NRG1: variants seen among roughly 807,000 people sequenced by gnomAD.
NRG1 encodes the protein neuregulin 1.
Under a neutral mutation model 63.8 loss-of-function variants are expected in NRG1, and 18 were observed. The ratio of observed to expected loss-of-function variants is 0.28; its 90% CI spans 0.19 to 0.42. NRG1 has a LOEUF of 0.42. Ranked by LOEUF, NRG1 falls within the 10% of genes least tolerant of loss-of-function variation. The probability of loss-of-function intolerance (pLI) is 1.00; values close to 1 mark genes in which losing one functional copy is unlikely to be tolerated. For synonymous variants in NRG1, 302 were observed against 301.3 expected, an observed-to-expected ratio of 1.00 and a Z score of -0.02; for missense variants, 762 against 814.7, an observed-to-expected ratio of 0.94 and a Z score of 0.79.
intron 1 of NRG1, among the ~76,000 whole-genome samples, chr8:32,208,877 G>A (rs919966957): frequency 1.3e-5 from 2 of 152,100 alleles, no homozygotes; most frequent in Non-Finnish European, 2.9e-5. Context: ...CTATATGAAA[G>A]ACTGTTTTTG....
At chr8:32,745,273 A>C (rs1437097418) in intron 7 of NRG1, among the ~76,000 whole-genome samples, 1 of 152,192 alleles carries the variant, frequency 6.6e-6, no homozygotes, top group Non-Finnish European at 1.5e-5. Flanking sequence ...AGTCTGGAAA[A>C]CATAAATTTT....
At chr8:31,720,231 T>C (rs1405470572) in intron 1 of NRG1, among the ~76,000 whole-genome samples, 4 of 152,184 alleles carry the variant, frequency 2.6e-5, no homozygotes, top group Non-Finnish European at 5.9e-5. Flanking sequence ...TTTCTATTCC[T>C]GGTGATAGGT....
At chr8:31,914,792 C>T (rs558643106) in intron 1 of NRG1, among the ~76,000 whole-genome samples, 1 of 151,458 alleles carries the variant, frequency 6.6e-6, no homozygotes, top group African/African-American at 2.4e-5. Flanking sequence ...TAGTGAAGGA[C>T]CAGTGTCTCA....
chr8:32,751,283 C>T lies in NRG1; in HGVS notation c.692-3089C>T, dbSNP rs576951875. ...ACTCAGAAAGGTAAGGGCTCTGTTT[C>T]TTGGCCAGGCCAGATCAGACTGAAA... is the stretch of plus-strand genomic sequence containing the variant. On this transcript the variant is annotated intron_variant, in intron 7 of 11. Transcript: ENST00000356819. The T allele has an allele frequency of 3.3e-5, 5 of 152,328 alleles. No individual in the cohort carries two copies. In the East Asian group the frequency reaches 9.7e-4, roughly 29 times the overall value. 9.4% of individuals were successfully genotyped at this position (152,328 alleles called of 1,614,324 possible).
chr8:31,805,141 C>G (rs967639881), intron 1 of NRG1, among the ~76,000 whole-genome samples: 1 of 151,988 alleles, frequency 6.6e-6, no homozygotes, highest in Non-Finnish European at 1.5e-5. Context: ...AAACATTTAT[C>G]AATTATATTC....
intron 1 of NRG1, among the ~76,000 whole-genome samples, chr8:32,259,512 A>T (rs1260417750): frequency 6.6e-6 from 1 of 152,138 alleles, no homozygotes; most frequent in Admixed American, 6.5e-5. Flanking sequence ...CAGCCCCAGA[A>T]CCATGAGCCA....
chr8:32,672,251 G>T (rs996994203), intron 5 of NRG1, among the ~76,000 whole-genome samples: 3 of 152,004 alleles, frequency 2.0e-5, no homozygotes, highest in Admixed American at 2.0e-4. Context: ...TCACCATATT[G>T]GCCAGGCTGG....
At chr8:32,129,606 A>C (rs984064483) in intron 1 of NRG1, among the ~76,000 whole-genome samples, 1 of 151,972 alleles carries the variant, frequency 6.6e-6, no homozygotes, top group African/African-American at 2.4e-5. Flanking sequence ...ACTGGAGGTT[A>C]GGACTTTAAC....
At chr8:32,107,076 A>ACAT (rs1470144084) in intron 1 of NRG1, among the ~76,000 whole-genome samples, 1 of 152,090 alleles carries the variant, frequency 6.6e-6, no homozygotes, top group East Asian at 1.9e-4. Context: ...AACAACAACA[A>ACAT]CAACAACAAA....
chr8:32,381,163 C>T (rs946717657), intron 1 of NRG1, among the ~76,000 whole-genome samples: 2 of 152,190 alleles, frequency 1.3e-5, no homozygotes, highest in Admixed American at 6.5e-5. Context: ...TGGTCTCTTT[C>T]GATTTCTTAA....
At chr8:32,298,885 G>T (rs1460745913) in intron 1 of NRG1, among the ~76,000 whole-genome samples, 2 of 150,262 alleles carry the variant, frequency 1.3e-5, no homozygotes, top group African/African-American at 4.9e-5. Context: ...AAATTAGCTG[G>T]GGATGGTGGC....
At chr8:32,439,208 T>C (rs926306944) in intron 1 of NRG1, among the ~76,000 whole-genome samples, 4 of 152,208 alleles carry the variant, frequency 2.6e-5, no homozygotes, top group Non-Finnish European at 5.9e-5. Flanking sequence ...AAATTATAAA[T>C]TAGTTAACAG....
intron 1 of NRG1, among the ~76,000 whole-genome samples, chr8:32,381,534 G>T (rs1810349856): frequency 6.6e-6 from 1 of 152,144 alleles, no homozygotes; most frequent in Non-Finnish European, 1.5e-5. Flanking sequence ...AATTTATGTT[G>T]CATTTTGGAA....
In NRG1 at chr8:31,711,724, A is replaced by G. The variant is rs541506133; in HGVS notation, c.37+72293A>G. On this transcript the variant is annotated intron_variant, in intron 1 of 10. Coordinates refer to the NRG1 transcript ENST00000519301. ...TCTAAGTGGCTTATGAACAACAGAA[A>G]TTTATTTCTTACAGTTCTGGAGGCT... Among the ~76,000 whole-genome samples, 6 of 152,326 alleles carry G rather than the reference A, an allele frequency of 3.9e-5. No homozygotes were observed. In the East Asian group the frequency reaches 1.2e-3, roughly 29 times the overall value.
chr8:32,476,011 A>G (rs996812608), intron 1 of NRG1, among the ~76,000 whole-genome samples: 1 of 152,204 alleles, frequency 6.6e-6, no homozygotes, highest in African/African-American at 2.4e-5. Context: ...GCCGAAGAGT[A>G]GTAAAAATTA....
intron 5 of NRG1, among the ~76,000 whole-genome samples, chr8:32,671,419 A>G (rs1805617922): frequency 6.6e-6 from 1 of 152,208 alleles, no homozygotes; most frequent in South Asian, 2.1e-4. Flanking sequence ...ATAACAAATG[A>G]GAGGAATGGA....
At chr8:31,863,848 A>G (rs1585345954) in intron 1 of NRG1, among the ~76,000 whole-genome samples, 1 of 152,140 alleles carries the variant, frequency 6.6e-6, no homozygotes, top group Non-Finnish European at 1.5e-5. Context: ...GGGCGCTCTC[A>G]TAGCTTCATG....
At chr8:32,639,754 T>G (rs921168691) in intron 5 of NRG1, among the ~76,000 whole-genome samples, 5 of 152,192 alleles carry the variant, frequency 3.3e-5, no homozygotes, top group African/African-American at 1.2e-4. Flanking sequence ...GGGGACCAGT[T>G]TATAGAATTG....
At chr8:32,669,853 T>C (rs1309004521) in intron 5 of NRG1, among the ~76,000 whole-genome samples, 3 of 152,206 alleles carry the variant, frequency 2.0e-5, no homozygotes, top group Non-Finnish European at 2.9e-5. Flanking sequence ...TTTGTTATTC[T>C]TGTATTTATT....
Sources: allele counts gnomAD v4.1 joint callset (sites outside exome capture counted in the v4.1 genomes callset), GRCh38; gene constraint gnomAD v4.1.1; transcripts MANE v1.5; gene names NCBI Gene and HGNC (gene_info 2026-07-23, HGNC 2026-07-21).